The following XKR6 variants were observed in gnomAD, a reference collection of about 807,000 sequenced individuals.
XKR6 encodes XK related 6.
XKR6 carries 22 observed loss-of-function variants against 56.7 expected under a neutral mutation model. The observed-to-expected ratio is 0.39, with a 90% confidence interval of 0.28 to 0.55. The LOEUF (loss-of-function observed/expected upper bound fraction) is 0.55. Among genes scored for constraint, XKR6 ranks in the 20% least tolerant of loss-of-function variants. The probability of loss-of-function intolerance (pLI) is 0.66; values close to 1 mark genes in which losing one functional copy is unlikely to be tolerated. For synonymous variants in XKR6, 524 were observed against 387.8 expected (o/e 1.35, Z -4.13); for missense variants, 852 against 889.0 (o/e 0.96, Z 0.53).
chr8:11,111,129 C>T (rs1395891792), intron 1 of XKR6, among the ~76,000 whole-genome samples: 1 of 150,602 alleles, frequency 6.6e-6, no homozygotes, highest in African/African-American at 2.4e-5. Flanking sequence ...GCTGGCATTA[C>T]AGGCGTGAGC....
intron 1 of XKR6, among the ~76,000 whole-genome samples, chr8:11,028,353 C>T (rs1485940670): frequency 2.6e-5 from 4 of 152,228 alleles, no homozygotes; most frequent in Non-Finnish European, 1.5e-5. Context: ...CGTTCACCTG[C>T]TGACGGACAC....
At chr8:10,947,787 C>T (rs75746360) in intron 1 of XKR6, among the ~76,000 whole-genome samples, 18 of 152,336 alleles carry the variant, frequency 1.2e-4, no homozygotes, top group African/African-American at 1.9e-4. Flanking sequence ...CTGTGGATCC[C>T]TTTGCTCTGG....
At chr8:10,976,155 G>A (rs1802551109) in intron 1 of XKR6, among the ~76,000 whole-genome samples, 1 of 151,606 alleles carries the variant, frequency 6.6e-6, no homozygotes, top group African/African-American at 2.4e-5. Context: ...CAGCCTGGGT[G>A]ACAGAGCAAG....
chr8:11,088,351 C>G (rs1415377597), intron 1 of XKR6, among the ~76,000 whole-genome samples: 1 of 152,252 alleles, frequency 6.6e-6, no homozygotes, highest in Non-Finnish European at 1.5e-5. Context: ...ATAAAGCAAA[C>G]TGTTTCATTA....
Position 11,110,993 on chromosome 8 carries a change from C to T in XKR6, c.764+89583G>A, listed in dbSNP as rs1001544369. Among the ~76,000 whole-genome samples, 10 of 150,732 alleles carry T rather than the reference C, an allele frequency of 6.6e-5. No individual in the cohort carries two copies. In the South Asian group the frequency reaches 1.7e-3, roughly 26 times the overall value. On this transcript the variant is annotated intron_variant, in intron 1 of 2. Transcript: ENST00000416569. The stretch of plus-strand genomic sequence containing the variant: ...CTGGGACTACAGGCGCCTGCCACCA[C>T]GCCTGGCTTTTTCTATTTTTTTTTT...
At chr8:11,173,015 G>C (rs1054303815) in intron 1 of XKR6, among the ~76,000 whole-genome samples, 1 of 151,956 alleles carries the variant, frequency 6.6e-6, no homozygotes, top group African/African-American at 2.4e-5. Flanking sequence ...ACCTGATTTG[G>C]GGGCCAAAAA....
intron 1 of XKR6, among the ~76,000 whole-genome samples, chr8:10,928,982 A>G (rs528714721): frequency 3.3e-4 from 50 of 152,316 alleles, no homozygotes; most frequent in African/African-American, 1.1e-3. Flanking sequence ...GTCCTCATGG[A>G]GCACAGTCTC....
intron 1 of XKR6, among the ~76,000 whole-genome samples, chr8:11,132,502 C>T (rs2116900314): frequency 6.6e-6 from 1 of 151,986 alleles, no homozygotes; most frequent in Non-Finnish European, 1.5e-5. Flanking sequence ...GCTGGGATTA[C>T]AGGCGCCCAC....
chr8:11,092,865 T>C (rs1352459968), intron 1 of XKR6, among the ~76,000 whole-genome samples: 2 of 152,110 alleles, frequency 1.3e-5, no homozygotes, highest in African/African-American at 2.4e-5. Context: ...ATCCAACCAG[T>C]CAGTCCGCCT....
intron 1 of XKR6, among the ~76,000 whole-genome samples, chr8:11,076,916 C>T (rs988142047): frequency 5.3e-5 from 8 of 152,160 alleles, no homozygotes; most frequent in Non-Finnish European, 1.0e-4. Flanking sequence ...GTGGCTCATG[C>T]GTGTAATCCC....
chr8:10,952,982 G>A (rs113045186), intron 1 of XKR6, among the ~76,000 whole-genome samples: 18,503 of 152,058 alleles, frequency 0.12, 1,230 homozygotes, highest in African/African-American at 0.16. Context: ...TCTAGGCTGC[G>A]CGCTCCTTAT....
At chr8:11,101,633 C>T (rs1033151822) in intron 1 of XKR6, among the ~76,000 whole-genome samples, 2 of 152,156 alleles carry the variant, frequency 1.3e-5, no homozygotes, top group Admixed American at 1.3e-4. Context: ...ATGAATTTTC[C>T]CCCTCCTTGG....
chr8:11,166,463 A>G (rs897340378), intron 1 of XKR6, among the ~76,000 whole-genome samples: 7 of 152,228 alleles, frequency 4.6e-5, no homozygotes, highest in African/African-American at 1.7e-4. Flanking sequence ...AACCTAGTCT[A>G]TGGTGGGATT....
At chr8:11,035,896 C>A (rs1799129092) in intron 1 of XKR6, among the ~76,000 whole-genome samples, 1 of 151,560 alleles carries the variant, frequency 6.6e-6, no homozygotes, top group South Asian at 2.1e-4. Context: ...GTGTATCTGA[C>A]CAGATGCATG....
rs55676613 is a variant in XKR6, at chr8:10,951,300, G to C, written c.765-26470C>G. Among the ~76,000 whole-genome samples, 9 of 122,334 alleles carry C rather than the reference G, an allele frequency of 7.4e-5. No individual in the cohort carries two copies. The Admixed American group carries it at 7.5e-4, about 10-fold the overall frequency. 80.3% of individuals were successfully genotyped at this position (122,334 alleles called of 152,430 possible). On this transcript the variant is annotated intron_variant, in intron 1 of 2. Transcript: ENST00000416569. ...GGATAGAAAAGTGTGTGTGTGTGTG[G>C]GGGGGGGGGGCCCCCACAGTGGTGA...
chr8:11,033,318 G>A (rs1799042819), intron 1 of XKR6, among the ~76,000 whole-genome samples: 2 of 150,298 alleles, frequency 1.3e-5, no homozygotes, highest in African/African-American at 5.0e-5. Context: ...TGATGATGAT[G>A]ACGATAGTGA....
Position 11,081,252 on chromosome 8 carries a change from C to T in XKR6, c.764+119324G>A, listed in dbSNP as rs76550608. On this transcript the variant is annotated intron_variant, in intron 1 of 2. Transcript: ENST00000416569. ...GTACCAGGAAAATCCAGCAGATGGA[C>T]TTTACCTTTAGCTTGACCTCGGCTT... Among the ~76,000 whole-genome samples the T allele has an allele frequency of 3.2e-3, 490 of 152,308 alleles. 3 individuals are homozygous for T. In the East Asian group the frequency reaches 0.035, roughly 11 times the overall value.
At chr8:11,085,048 C>G (rs1350701434) in intron 1 of XKR6, among the ~76,000 whole-genome samples, 3 of 152,184 alleles carry the variant, frequency 2.0e-5, no homozygotes, top group Non-Finnish European at 4.4e-5. Flanking sequence ...CTCCATCCAG[C>G]CTTTGCCAGC....
chr8:10,989,539 A>G lies in XKR6; in HGVS notation c.765-64709T>C, dbSNP rs897262428. ...AGGATAAAATGATGGCTTTCACCAT[A>G]TAGCAGAGTGGTTGGAAGAAGAGGT... On this transcript the variant is annotated intron_variant, in intron 1 of 2. Transcript: ENST00000416569. Among the ~76,000 whole-genome samples, 65 of 152,246 alleles carry G rather than the reference A, an allele frequency of 4.3e-4. 1 individual carries two copies. The highest frequency in any genetic ancestry group is 1.5e-3 in the African/African-American group (63 of 41,474).
Sources: allele counts gnomAD v4.1 joint callset (sites outside exome capture counted in the v4.1 genomes callset), GRCh38; gene constraint gnomAD v4.1.1; transcripts MANE v1.5; gene names NCBI Gene and HGNC (gene_info 2026-07-23, HGNC 2026-07-21).